MCUB: variants seen among roughly 807,000 people sequenced by gnomAD.
The protein encoded by MCUB is mitochondrial calcium uniporter dominant negative subunit beta.
A neutral mutation model predicts 41.4 loss-of-function variants in MCUB; 46 were observed. That is an observed-to-expected ratio of 1.11 (90% CI 0.88 to 1.42). MCUB has a LOEUF of 1.42. MCUB is among the 40% of genes most tolerant of loss of function. MCUB has a pLI of 0.00. For missense variants in MCUB, 403 were observed against 404.9 expected, an observed-to-expected ratio of 1.00 and a Z score of 0.04; for synonymous variants, 148 against 148.2, an observed-to-expected ratio of 1.00 and a Z score of 0.01.
chr4:109,568,083 ATT>A (rs1726824862), intron 1 of MCUB, among the ~76,000 whole-genome samples: 1 of 152,024 alleles, frequency 6.6e-6, no homozygotes, highest in African/African-American at 2.4e-5. Context: ...GGGGGGAAAA[ATT>A]ATTTTAGAGA....
intron 1 of MCUB, among the ~76,000 whole-genome samples, chr4:109,609,392 A>G (rs746613120): frequency 6.6e-5 from 10 of 152,154 alleles, no homozygotes; most frequent in Non-Finnish European, 1.5e-4. Flanking sequence ...TGACATTGCT[A>G]TGGCATTTGT....
At chr4:109,620,684 A>C (rs6811858) in intron 1 of MCUB, among the ~76,000 whole-genome samples, 76,073 of 151,434 alleles carry the variant, frequency 0.5, 19,891 homozygotes, top group South Asian at 0.64. Flanking sequence ...TGATGTAAAG[A>C]GACTGGCAGT....
In MCUB at chr4:109,569,236, C is replaced by G. The variant is rs971287509; in HGVS notation, c.99+8800C>G. Among the ~76,000 whole-genome samples, 7 of 151,416 alleles carry G rather than the reference C, an allele frequency of 4.6e-5. No homozygotes were observed. The East Asian group carries it at 1.4e-3, about 30-fold the overall frequency. On this transcript the variant is annotated intron_variant, in intron 1 of 7. Coordinates refer to ENST00000394650, the MANE Select transcript of MCUB (RefSeq NM_017918.5). ...CAATTTTTTATATTTTTAGTAGAGA[C>G]GGGGTTTCACCATGTTAGCCAGGAT...
chr4:109,576,870 G>T (rs577833944), intron 1 of MCUB, among the ~76,000 whole-genome samples: 1 of 151,066 alleles, frequency 6.6e-6, no homozygotes, highest in South Asian at 2.1e-4. Context: ...GTTTTTTTTT[G>T]AGATGGAGTC....
chr4:109,578,528 C>A (rs1484357557), intron 1 of MCUB, among the ~76,000 whole-genome samples: 1 of 151,622 alleles, frequency 6.6e-6, no homozygotes, highest in Non-Finnish European at 1.5e-5. Flanking sequence ...ACTCTGTTAC[C>A]CAGGCTAGAG....
At chr4:109,587,097 C>G (rs564465055) in intron 1 of MCUB, among the ~76,000 whole-genome samples, 1 of 152,234 alleles carries the variant, frequency 6.6e-6, no homozygotes, top group Non-Finnish European at 1.5e-5. Flanking sequence ...CCTTGCTGAG[C>G]TGCGGTGGGC....
chr4:109,630,706 C>T (rs1281087611), intron 1 of MCUB, among the ~76,000 whole-genome samples: 6 of 151,974 alleles, frequency 3.9e-5, no homozygotes, highest in Admixed American at 6.6e-5. Context: ...CTGAGCCTCC[C>T]GAGTAGCTGG....
chr4:109,605,798 TTA>T (rs535692250), intron 1 of MCUB, among the ~76,000 whole-genome samples: 3 of 152,214 alleles, frequency 2.0e-5, no homozygotes, highest in Non-Finnish European at 4.4e-5. Context: ...TTCTTGTCTC[TTA>T]TAGTTTTTGT....
At chr4:109,603,423 G>A (rs1292993805) in intron 1 of MCUB, among the ~76,000 whole-genome samples, 1 of 152,208 alleles carries the variant, frequency 6.6e-6, no homozygotes, top group Non-Finnish European at 1.5e-5. Context: ...CTGGAGTGCA[G>A]TGGCGTGATC....
At chr4:109,682,428 G>A (rs1729738786) in intron 4 of MCUB, among the ~76,000 whole-genome samples, 154 bp from the exon 5 acceptor site, 1 of 151,646 alleles carries the variant, frequency 6.6e-6, no homozygotes, top group Non-Finnish European at 1.5e-5. Context: ...CTTTTCAAAT[G>A]TATATTACAC....
intron 1 of MCUB, among the ~76,000 whole-genome samples, chr4:109,577,478 T>C (rs1727058000): frequency 6.6e-6 from 1 of 152,202 alleles, no homozygotes; most frequent in Non-Finnish European, 1.5e-5. Context: ...CCTGTATTTA[T>C]TGATCAACTG....
chr4:109,675,437 A>G (rs1729551125), intron 4 of MCUB, among the ~76,000 whole-genome samples: 1 of 152,224 alleles, frequency 6.6e-6, no homozygotes, highest in Non-Finnish European at 1.5e-5. Flanking sequence ...GAGTTGAACC[A>G]ACATTTGCAT....
chr4:109,653,800 C>G (rs1388349347), intron 1 of MCUB, among the ~76,000 whole-genome samples: 1 of 152,190 alleles, frequency 6.6e-6, no homozygotes, highest in Non-Finnish European at 1.5e-5. Context: ...GTCTTGAACT[C>G]CTGACATCAG....
intron 1 of MCUB, among the ~76,000 whole-genome samples, chr4:109,653,670 G>A (rs752533176): frequency 6.6e-6 from 1 of 152,066 alleles, no homozygotes; most frequent in Non-Finnish European, 1.5e-5. Flanking sequence ...TCCACCTCCC[G>A]GGTTCGAGTG....
intron 1 of MCUB, among the ~76,000 whole-genome samples, chr4:109,642,482 T>C (rs1008326): frequency 0.52 from 79,432 of 152,034 alleles, 21,194 homozygotes; most frequent in South Asian, 0.61. Context: ...TATTTATTTT[T>C]CTGTATCAGT....
intron 1 of MCUB, among the ~76,000 whole-genome samples, chr4:109,588,978 G>GA (rs200690120): frequency 0.014 from 2,159 of 150,368 alleles, 59 homozygotes; most frequent in African/African-American, 0.049. Context: ...AGAAAATTCT[G>GA]AAAAAAAAAT....
Position 109,686,698 on chromosome 4 carries a change from A to C in MCUB, c.934-817A>C, listed in dbSNP as rs561765859. Among the ~76,000 whole-genome samples, 3 of 152,184 alleles carry C rather than the reference A, an allele frequency of 2.0e-5. No individual in the cohort carries two copies. The South Asian group carries it at 6.2e-4, about 32-fold the overall frequency. Reference sequence around the variant, plus strand: ...AGACCAGTCTAGTCAACATAGTGAGACCTCATCTCTACAAAATTTGTTTTT... The same window carrying C: ...AGACCAGTCTAGTCAACATAGTGAGCCCTCATCTCTACAAAATTTGTTTTT... On this transcript the variant is annotated intron_variant, in intron 7 of 7. Coordinates refer to ENST00000394650, the MANE Select transcript of MCUB (RefSeq NM_017918.5).
rs991594531 is a variant in MCUB, at chr4:109,592,975, G to A, written c.99+32539G>A. Among the ~76,000 whole-genome samples the A allele has an allele frequency of 7.2e-5, 11 of 152,104 alleles. No homozygotes were observed. In the East Asian group the frequency reaches 1.2e-3, roughly 16 times the overall value. ...TGTTCTGTTATAAATTCCTTTTTACGCATTTACTTGGGAGACACCACTCAT... is the reference window on the plus strand; with the variant it reads ...TGTTCTGTTATAAATTCCTTTTTACACATTTACTTGGGAGACACCACTCAT... On this transcript the variant is annotated intron_variant, in intron 1 of 7. Transcript: ENST00000394650.
rs567715733 is a variant in MCUB at position 109,661,351 on chromosome 4, G to A, written c.346+986G>A. 5.3e-5 allele frequency among the ~76,000 whole-genome samples: 8 copies of A among 152,152 alleles called. No individual in the cohort carries two copies. The East Asian group carries it at 7.7e-4, about 15-fold the overall frequency. ...AAATACTTAGAATAAAGTTATTTAG[G>A]TTCATGATTACTGTTGCAGTTTTGA... On this transcript the variant is annotated intron_variant, in intron 3 of 7. Transcript: ENST00000394650.
Sources: gnomAD v4.1 joint callset for allele counts (sites outside exome capture counted in the v4.1 genomes callset) on GRCh38, gnomAD v4.1.1 for gene constraint, MANE v1.5 for transcripts, NCBI Gene and HGNC (gene_info 2026-07-23, HGNC 2026-07-21) for gene names.